Variants in ZMIZ1 observed in about 807,000 individuals in gnomAD.
ZMIZ1 encodes the protein zinc finger MIZ domain-containing protein 1.
ZMIZ1 carries 17 observed loss-of-function variants against 113.9 expected under a neutral mutation model. That is an observed-to-expected ratio of 0.15 (90% CI 0.10 to 0.22). The LOEUF is 0.22. Among genes scored for constraint, ZMIZ1 ranks in the 10% least tolerant of loss-of-function variants. ZMIZ1 has a pLI of 1.00. For missense variants in ZMIZ1, 1,059 were observed against 1,477.8 expected, an observed-to-expected ratio of 0.72 and a Z score of 4.65; for synonymous variants, 607 against 603.1, an observed-to-expected ratio of 1.01 and a Z score of -0.09.
intron 7 of ZMIZ1, among the ~76,000 whole-genome samples, chr10:79,255,834 C>T (rs190077812): frequency 6.6e-5 from 10 of 152,354 alleles, no homozygotes; most frequent in Admixed American, 6.5e-4. Flanking sequence ...CCGCATCGAT[C>T]ATAAACAGAA....
intron 1 of ZMIZ1, among the ~76,000 whole-genome samples, chr10:79,092,582 C>T (rs985962648): frequency 6.6e-6 from 1 of 152,252 alleles, no homozygotes; most frequent in Admixed American, 6.5e-5. Flanking sequence ...GCAACACCTC[C>T]TTATAAGCCT....
chr10:79,307,108 C>A (rs76412030), intron 22 of ZMIZ1, among the ~76,000 whole-genome samples: 4,779 of 152,206 alleles, frequency 0.031, 117 homozygotes, highest in Middle Eastern at 0.051. Context: ...CAGGTCTGCT[C>A]TAGGCTCAGG....
chr10:79,082,792 G>A (rs976839235), intron 1 of ZMIZ1, among the ~76,000 whole-genome samples: 6 of 152,216 alleles, frequency 3.9e-5, no homozygotes, highest in Admixed American at 2.0e-4. Flanking sequence ...CAGGCCCTGC[G>A]TCACTTCCAG....
chr10:79,101,522 G>T (rs2132262014), intron 1 of ZMIZ1, among the ~76,000 whole-genome samples: 1 of 152,306 alleles, frequency 6.6e-6, no homozygotes, highest in Non-Finnish European at 1.5e-5. Flanking sequence ...ACTGGATCCT[G>T]GAATGTGTGA....
chr10:79,294,057 G>A (rs1468977795), intron 12 of ZMIZ1: 4 of 280,636 alleles, frequency 1.4e-5, no homozygotes, highest in Non-Finnish European at 2.8e-5. Context: ...AAGAAAGAGA[G>A]CTGAGACAAA....
At chr10:79,187,237 C>T (rs1263793656) in intron 4 of ZMIZ1, among the ~76,000 whole-genome samples, 2 of 152,242 alleles carry the variant, frequency 1.3e-5, no homozygotes, top group Non-Finnish European at 2.9e-5. Context: ...AGGGTCTGAG[C>T]GCTGTAGTCA....
At chr10:79,236,529 C>T (rs1849597462) in intron 7 of ZMIZ1, among the ~76,000 whole-genome samples, 1 of 152,302 alleles carries the variant, frequency 6.6e-6, no homozygotes, top group South Asian at 2.1e-4. Context: ...CCTTCAAAGG[C>T]GACTCCAGAA....
At chr10:79,110,974 G>T (rs924218005) in intron 1 of ZMIZ1, among the ~76,000 whole-genome samples, 3 of 152,188 alleles carry the variant, frequency 2.0e-5, no homozygotes, top group African/African-American at 7.2e-5. Flanking sequence ...TTCCAGATGG[G>T]GTGGCCACTG....
chr10:79,273,425 G>A (rs1169052505), intron 7 of ZMIZ1, among the ~76,000 whole-genome samples: 2 of 152,078 alleles, frequency 1.3e-5, no homozygotes, highest in Non-Finnish European at 2.9e-5. Flanking sequence ...GCAGTGACGC[G>A]ATCTCAGATC....
intron 7 of ZMIZ1, among the ~76,000 whole-genome samples, chr10:79,273,904 A>ATCG (rs1237071232): frequency 2.0e-5 from 3 of 152,256 alleles, no homozygotes; most frequent in Non-Finnish European, 4.4e-5. Flanking sequence ...CAGGAGGCCA[A>ATCG]TCGTCACCCG....
intron 5 of ZMIZ1, 92 bp from the exon 6 acceptor site, chr10:79,208,244 G>T: frequency 2.8e-6 from 3 of 1,060,790 alleles, no homozygotes; most frequent in Non-Finnish European, 4.3e-6. Flanking sequence ...CCTCCCCAGT[G>T]AGGCTGGGTT....
chr10:79,219,333 T>C (rs1251828339), intron 7 of ZMIZ1, among the ~76,000 whole-genome samples: 1 of 152,214 alleles, frequency 6.6e-6, no homozygotes, highest in Non-Finnish European at 1.5e-5. Context: ...TGTTCTCATA[T>C]GTTTTGTGGT....
chr10:79,293,279 C>G, intron 11 of ZMIZ1, 102 bp from the exon 12 acceptor site: 1 of 1,449,292 alleles, frequency 6.9e-7, no homozygotes, highest in Non-Finnish European at 9.3e-7. Context: ...CCCCTCCCCA[C>G]TCCTCCACCT....
intron 1 of ZMIZ1, among the ~76,000 whole-genome samples, chr10:79,117,879 TC>T (rs557638115): frequency 6.6e-5 from 10 of 152,204 alleles, no homozygotes; most frequent in Non-Finnish European, 7.4e-5. Context: ...ATGAGGCTGA[TC>T]CCTCTTTTCT....
intron 1 of ZMIZ1, among the ~76,000 whole-genome samples, chr10:79,078,147 G>A (rs1462760507): frequency 6.6e-6 from 1 of 151,984 alleles, no homozygotes; most frequent in Non-Finnish European, 1.5e-5. Flanking sequence ...AGAGGGAGGT[G>A]TTGCATCTGG....
chr10:79,179,650 T>C (rs1847028557), intron 4 of ZMIZ1, among the ~76,000 whole-genome samples: 1 of 152,266 alleles, frequency 6.6e-6, no homozygotes, highest in South Asian at 2.1e-4. Flanking sequence ...ACCGTCTCCC[T>C]GCAGTCTGCT....
intron 8 of ZMIZ1, chr10:79,285,433 G>A (rs12781795): frequency 0.022 from 9,943 of 455,482 alleles, 340 homozygotes; most frequent in African/African-American, 0.11. Flanking sequence ...GGGAGGGGCT[G>A]AATCAGCCCC....
At chr10:79,191,625 G>A (rs2132614474) in intron 4 of ZMIZ1, among the ~76,000 whole-genome samples, 1 of 152,330 alleles carries the variant, frequency 6.6e-6, no homozygotes, top group East Asian at 1.9e-4. Context: ...GCACTCCACA[G>A]CAGTGCTAGT....
chr10:79,262,995 G>A (rs552982878), intron 7 of ZMIZ1, among the ~76,000 whole-genome samples: 11 of 152,236 alleles, frequency 7.2e-5, no homozygotes, highest in Non-Finnish European at 1.3e-4. Context: ...TGTGCCAGCC[G>A]TCAGCTGCTT....
Sources: allele counts gnomAD v4.1 joint callset (sites outside exome capture counted in the v4.1 genomes callset), GRCh38; gene constraint gnomAD v4.1.1; transcripts MANE v1.5; gene names NCBI Gene and HGNC (gene_info 2026-07-23, HGNC 2026-07-21).